NHSL1: variants seen among roughly 807,000 people sequenced by gnomAD.
The protein encoded by NHSL1 is NHS like 1, also known as NHS-like protein 1.
Under a neutral mutation model 95.0 loss-of-function variants are expected in NHSL1, and 48 were observed. The observed-to-expected ratio is 0.51, with a 90% CI of 0.40 to 0.64. NHSL1 has a LOEUF of 0.64. Ranked by LOEUF, NHSL1 falls within the 30% of genes least tolerant of loss-of-function variation. The pLI, the probability that NHSL1 is intolerant of heterozygous loss-of-function variation, is 0.00. For synonymous variants in NHSL1, 783 were observed against 833.9 expected (o/e 0.94, Z 1.05); for missense variants, 1,971 against 2,077.7 (o/e 0.95, Z 1.00).
chr6:138,477,530 G>C lies in NHSL1; in HGVS notation c.212-4097C>G, dbSNP rs150118978. ...AGGCAGGGGCATTGTTTGAGCCCAG[G>C]AGTTTGAAGCTGTGGTGAGCTATGA... On this transcript the variant is annotated intron_variant, in intron 2 of 7. Transcript: ENST00000343505. Among the ~76,000 whole-genome samples the C allele has an allele frequency of 1.4e-3, 217 of 152,300 alleles. 6 individuals carry two copies. In the East Asian group the frequency reaches 0.033, roughly 23 times the overall value.
In NHSL1 at chr6:138,432,394, G is replaced by T; in HGVS notation, c.1951C>A (p.Arg651=). 1 of 1,552,082 alleles carries T rather than the reference G, an allele frequency of 6.4e-7. No individual in the cohort carries two copies. Among genetic ancestry groups the T allele is most frequent in the Non-Finnish European group, 8.7e-7 (1 of 1,147,080 alleles). The part of the protein sequence containing the change: ...VGRAQKNQGD[R]SNYQDKSLSR... ...AGGGATTTATCCTGGTAATTGGACC[G>T]GTCCCCTTGGTTTTTCTGAGCTCTT... is the stretch of plus-strand genomic sequence containing the variant. Residue 651 remains arginine (R), a synonymous_variant, in exon 6 of 8, where the codon CGG becomes AGG. Transcript: ENST00000343505. This position sits in a 1 kb window ranked among gnomAD's most constrained non-coding sequence, Gnocchi z 4.4.
At chr6:138,480,087 T>C (rs1779322182) in intron 2 of NHSL1, among the ~76,000 whole-genome samples, 2 of 152,166 alleles carry the variant, frequency 1.3e-5, no homozygotes, top group South Asian at 4.1e-4. Context: ...AAGAAGTTTG[T>C]TGACTTCTTA....
intron 4 of NHSL1, among the ~76,000 whole-genome samples, chr6:138,446,326 C>G (rs1776864314): frequency 6.6e-6 from 1 of 152,142 alleles, no homozygotes; most frequent in Non-Finnish European, 1.5e-5. Flanking sequence ...TGTGAGCCAC[C>G]ACGCCCAGCC....
intron 1 of NHSL1, among the ~76,000 whole-genome samples, chr6:138,609,477 G>A (rs183360949): frequency 2.0e-5 from 3 of 152,036 alleles, no homozygotes; most frequent in East Asian, 1.9e-4. Flanking sequence ...CCGGCCGGGC[G>A]CGGTGGCTCA....
chr6:138,562,787 C>T (rs1213790383), intron 1 of NHSL1, among the ~76,000 whole-genome samples: 1 of 152,124 alleles, frequency 6.6e-6, no homozygotes, highest in Non-Finnish European at 1.5e-5. Flanking sequence ...CCCTAGATGA[C>T]CTGGTTCTAA....
At chr6:138,593,682 A>G (rs1201082966) in intron 1 of NHSL1, among the ~76,000 whole-genome samples, 4 of 152,206 alleles carry the variant, frequency 2.6e-5, no homozygotes, top group South Asian at 4.1e-4. Context: ...ACTCATGCAC[A>G]TTATATTTCA....
intron 1 of NHSL1, among the ~76,000 whole-genome samples, chr6:138,612,168 G>A (rs1366734481): frequency 6.6e-6 from 1 of 151,430 alleles, no homozygotes; most frequent in Non-Finnish European, 1.5e-5. Flanking sequence ...GCTGATGGGA[G>A]GGTATATTAG....
intron 1 of NHSL1, among the ~76,000 whole-genome samples, chr6:138,595,024 T>C (rs1019095000): frequency 1.3e-5 from 2 of 152,182 alleles, no homozygotes; most frequent in Non-Finnish European, 2.9e-5. Context: ...TCTTGGACCT[T>C]TGCAAGTCAC....
At chr6:138,464,710 C>CTTTTTTT (rs1388677216) in intron 3 of NHSL1, among the ~76,000 whole-genome samples, 5 of 111,678 alleles carry the variant, frequency 4.5e-5, no homozygotes, top group East Asian at 2.7e-4. Context: ...TTTTTTTTTT[C>CTTTTTTT]TTTTCTTTTT....
At chr6:138,514,313 A>T (rs1781366210) in intron 1 of NHSL1, among the ~76,000 whole-genome samples, 1 of 134,828 alleles carries the variant, frequency 7.4e-6, no homozygotes, top group African/African-American at 3.0e-5. Flanking sequence ...GCAAGACTCC[A>T]TCTCAAAACA....
chr6:138,546,448 A>C (rs954876765), upstream of NHSL1, among the ~76,000 whole-genome samples: 523 of 142,074 alleles, frequency 3.7e-3, 9 homozygotes, highest in African/African-American at 0.015. Context: ...AAAAAAAAAA[A>C]AAAAAAAAAA....
intron 1 of NHSL1, among the ~76,000 whole-genome samples, chr6:138,625,773 C>T (rs1784729713): frequency 6.6e-6 from 1 of 152,038 alleles, no homozygotes; most frequent in African/African-American, 2.4e-5. Flanking sequence ...TTCCTAGCTG[C>T]TAAGACTATA....
At chr6:138,526,462 T>C (rs9495109) in intron 1 of NHSL1, among the ~76,000 whole-genome samples, 3,379 of 152,230 alleles carry the variant, frequency 0.022, 104 homozygotes, top group African/African-American at 0.078. Context: ...GCCTGGGTGA[T>C]AGAGTGAGCC....
chr6:138,475,775 G>A (rs1328777121), intron 2 of NHSL1, among the ~76,000 whole-genome samples: 8 of 151,810 alleles, frequency 5.3e-5, no homozygotes, highest in South Asian at 2.1e-4. Flanking sequence ...GCAAAACCCC[G>A]TCTCTACTAA....
upstream of NHSL1, among the ~76,000 whole-genome samples, chr6:138,574,546 G>A (rs1217128494): frequency 6.6e-6 from 1 of 151,842 alleles, no homozygotes; most frequent in Non-Finnish European, 1.5e-5. Context: ...AAAATATCTG[G>A]CTGGGCACGG....
In NHSL1 at chr6:138,606,303, G is replaced by C. The variant is rs527743335; in HGVS notation, c.96+86173C>G. Among the ~76,000 whole-genome samples the C allele has an allele frequency of 3.3e-5, 5 of 152,214 alleles. No homozygotes were observed. The South Asian group carries it at 1.0e-3, about 32-fold the overall frequency. On this transcript the variant is annotated intron_variant, in intron 1 of 3. Coordinates refer to the NHSL1 transcript ENST00000491526. ...CACTGTCTCATTTCCATCTGCGATA[G>C]AGTATGATTAATTAATTTCATCAAC... is the stretch of plus-strand genomic sequence containing the variant.
chr6:138,431,329 C>T lies in NHSL1; in HGVS notation c.3016G>A (p.Val1006Met). 3 of 1,521,010 alleles carry T rather than the reference C, an allele frequency of 2.0e-6. No individual in the cohort carries two copies. The highest frequency in any genetic ancestry group is 2.7e-6 in the Non-Finnish European group (3 of 1,131,410). The allele number at this position is 1,521,010 out of a possible 1,614,324, so 94.2% of individuals were successfully genotyped here. A position where few individuals can be genotyped will look rare whatever the true frequency, so the allele number is the denominator to read the frequency against. The change falls in exon 6 of 8, where the codon GTG becomes ATG. Residue 1006 changes from valine to methionine, a missense_variant. Physicochemically the swap from Val to Met is conservative, Grantham distance 21 (BLOSUM62 1). This residue lies in a region of NHSL1 where 1,602 missense variants were observed against 1,654.5 expected (regional missense o/e 0.97). Coordinates refer to ENST00000343505, the MANE Select transcript of NHSL1 (RefSeq NM_001144060.2). This position sits in a 1 kb window ranked among gnomAD's most constrained non-coding sequence, Gnocchi z 4.0. ...AGAGGTGGGGGCAATGGCAAGGACA[C>T]AGGTGAATCTGGAAGAATGGGGCTC... ...ALSPILPDSP[V>M]SLPLPPPLLP...
intron 1 of NHSL1, among the ~76,000 whole-genome samples, chr6:138,667,244 A>C (rs1418596795): frequency 6.6e-6 from 1 of 152,258 alleles, no homozygotes; most frequent in Non-Finnish European, 1.5e-5. Context: ...ATGTAGAAAG[A>C]GGCAAGAGGA....
At chr6:138,514,266 C>T (rs573641701) in intron 1 of NHSL1, among the ~76,000 whole-genome samples, 9 of 152,058 alleles carry the variant, frequency 5.9e-5, no homozygotes, top group African/African-American at 2.2e-4. Flanking sequence ...TGCAGTGAGC[C>T]GAGATCACGC....
Sources: allele counts gnomAD v4.1 joint callset (sites outside exome capture counted in the v4.1 genomes callset), GRCh38; gene constraint gnomAD v4.1.1; regional missense constraint gnomAD v4.1.1; non-coding constraint Gnocchi (gnomAD v3.1); transcripts MANE v1.5; gene names NCBI Gene and HGNC (gene_info 2026-07-23, HGNC 2026-07-21).